Variants in CFAP47 observed in about 807,000 individuals in gnomAD.
CFAP47 encodes cilia and flagella associated protein 47, also known as cilia- and flagella-associated protein 47.
In CFAP47, 29 loss-of-function variants were observed where a neutral mutation model predicts 148.1. The ratio of observed to expected loss-of-function variants is 0.20; its 90% CI spans 0.15 to 0.27. CFAP47 has a LOEUF of 0.27. Among genes scored for constraint, CFAP47 ranks in the 10% least tolerant of loss-of-function variants. The pLI is 1.00. For synonymous variants in CFAP47, 664 were observed against 577.3 expected (o/e 1.15, Z -2.15); for missense variants, 1,872 against 1,697.5 (o/e 1.10, Z -1.81).
intron 59 of CFAP47, among the ~76,000 whole-genome samples, chrX:36,353,233 C>T (rs951244748): frequency 8.2e-5 from 9 of 109,460 alleles, no homozygotes; most frequent in African/African-American, 2.0e-4. Flanking sequence ...CATCAGTTCC[C>T]GAATCAAATT....
chrX:36,271,260 C>G (rs1940955739), intron 49 of CFAP47, among the ~76,000 whole-genome samples: 1 of 111,532 alleles, frequency 9.0e-6, no homozygotes, highest in Admixed American at 9.6e-5. Context: ...GATACTTATA[C>G]CAAAACTTCT....
intron 40 of CFAP47, among the ~76,000 whole-genome samples, chrX:36,182,999 G>A (rs775077620): frequency 2.0e-4 from 22 of 112,249 alleles, no homozygotes; most frequent in South Asian, 7.3e-4. Flanking sequence ...CACAACTATC[G>A]TTGAAACACA....
At chrX:36,065,894 T>C in intron 27 of CFAP47, 151 bp downstream of exon 27, 1 of 399,397 alleles carries the variant, frequency 2.5e-6, no homozygotes, top group Non-Finnish European at 4.4e-6. Context: ...AGAATCTGTA[T>C]GTCTCTTAAT....
rs138216098 is a variant in CFAP47 at position 36,144,778 on chromosome X, A to G, written c.5536-441A>G. The G allele has an allele frequency of 3.1e-4, 315 of 1,024,824 alleles. 1 individual carries two copies. The Middle Eastern group carries it at 7.8e-3, about 25-fold the overall frequency. The allele number at this position is 1,024,824 out of a possible 1,213,427, so 84.5% of individuals were successfully genotyped here. A position where few individuals can be genotyped will look rare whatever the true frequency, so the allele number is the denominator to read the frequency against. ...TCTTTCTCCCTTTGGAGCAGGATGCATTTTTTTCTCCTTCTGCCCTTGGAC... is the reference window on the plus strand; with the variant it reads ...TCTTTCTCCCTTTGGAGCAGGATGCGTTTTTTTCTCCTTCTGCCCTTGGAC... On this transcript the variant is annotated intron_variant, in intron 35 of 63. Coordinates refer to ENST00000378653, the MANE Select transcript of CFAP47 (RefSeq NM_001304548.2).
chrX:36,037,133 G>A (rs1214328346), intron 24 of CFAP47, among the ~76,000 whole-genome samples: 1 of 111,280 alleles, frequency 9.0e-6, no homozygotes, highest in Admixed American at 9.6e-5. Flanking sequence ...TAGCACAAAG[G>A]CTATTCCAGC....
rs997690951 is a variant in CFAP47 at position 36,083,775 on chromosome X, T to C, written c.4692-1539T>C. On this transcript the variant is annotated intron_variant, in intron 29 of 63. Transcript: ENST00000378653. Reference sequence around the variant, plus strand: ...AAAATAAACAAAATCCTTTAACATATTAATATATATGTAAGAGCAAAATGA... The same window carrying C: ...AAAATAAACAAAATCCTTTAACATACTAATATATATGTAAGAGCAAAATGA... 2.7e-5 allele frequency among the ~76,000 whole-genome samples: 3 copies of C among 111,377 alleles called. No individual in the cohort carries two copies. The Admixed American group carries it at 2.9e-4, about 11-fold the overall frequency.
intron 39 of CFAP47, among the ~76,000 whole-genome samples, chrX:36,175,535 C>G (rs1939660829): frequency 9.0e-6 from 1 of 111,722 alleles, no homozygotes; most frequent in Non-Finnish European, 1.9e-5. Context: ...CCCTCAGCTG[C>G]AGGTCTGTTG....
chrX:35,925,291 G>A (rs1036455670), intron 1 of CFAP47, among the ~76,000 whole-genome samples: 9 of 110,591 alleles, frequency 8.1e-5, no homozygotes, highest in Admixed American at 1.9e-4. Context: ...GGAGAATGGC[G>A]TGAACCCCAG....
At chrX:35,944,280 A>G (rs1035771819) in intron 3 of CFAP47, among the ~76,000 whole-genome samples, 4 of 110,056 alleles carry the variant, frequency 3.6e-5, no homozygotes, top group African/African-American at 9.9e-5. Flanking sequence ...CTTGTCTTCA[A>G]TTTTTTTTTG....
intron 56 of CFAP47, among the ~76,000 whole-genome samples, chrX:36,314,682 T>G (rs1941419740): frequency 1.8e-5 from 2 of 111,761 alleles, no homozygotes; most frequent in Admixed American, 9.6e-5. Flanking sequence ...TATCTGCCTA[T>G]CTATCTATCA....
intron 40 of CFAP47, among the ~76,000 whole-genome samples, chrX:36,181,993 C>T (rs967210807): frequency 8.9e-6 from 1 of 112,205 alleles, no homozygotes; most frequent in African/African-American, 3.2e-5. Flanking sequence ...TCTGACAGTT[C>T]TAAAGAGAAG....
At chrX:36,235,183 C>G (rs1399061607) in intron 46 of CFAP47, among the ~76,000 whole-genome samples, 7 of 111,767 alleles carry the variant, frequency 6.3e-5, no homozygotes, top group African/African-American at 2.3e-4. Flanking sequence ...GCAGAGGTTA[C>G]TGCTGTCTTT....
chrX:36,025,767 C>A (rs1937209453), intron 22 of CFAP47, among the ~76,000 whole-genome samples: 1 of 112,231 alleles, frequency 8.9e-6, no homozygotes, highest in South Asian at 3.6e-4. Context: ...TGTTCATATA[C>A]TTCACCTTTA....
In CFAP47 at chrX:35,932,264, C is replaced by CTT. The variant is rs546795196; in HGVS notation, c.401+6108_401+6109dup. On this transcript the variant is annotated intron_variant, in intron 2 of 63. Coordinates refer to ENST00000378653, the MANE Select transcript of CFAP47 (RefSeq NM_001304548.2). ...TTTTCTTTTCTTTCTTTCTTTCTTT[C>CTT]TTTTTTTTTTTTTGAGATGGAGTCT... is the stretch of plus-strand genomic sequence containing the variant. Among the ~76,000 whole-genome samples the CTT allele has an allele frequency of 3.3e-5, 3 of 91,987 alleles. No homozygotes were observed. In the Admixed American group the frequency reaches 3.6e-4, roughly 11 times the overall value. 79.9% of individuals were successfully genotyped at this position (91,987 alleles called of 115,157 possible). A position where few individuals can be genotyped will look rare whatever the true frequency, so the allele number is the denominator to read the frequency against.
At chrX:36,100,374 A>T (rs1358013881) in intron 32 of CFAP47, among the ~76,000 whole-genome samples, 1 of 112,103 alleles carries the variant, frequency 8.9e-6, no homozygotes, top group African/African-American at 3.2e-5. Context: ...CTTGCTATAA[A>T]ACTATATTCA....
intron 54 of CFAP47, among the ~76,000 whole-genome samples, chrX:36,305,892 C>T (rs1941343904): frequency 9.0e-6 from 1 of 111,322 alleles, no homozygotes; most frequent in South Asian, 3.7e-4. Context: ...TGTAGATAAG[C>T]TACAATTGTG....
At chrX:36,254,280 C>A (rs1431932614) in intron 49 of CFAP47, among the ~76,000 whole-genome samples, 2 of 111,167 alleles carry the variant, frequency 1.8e-5, no homozygotes, top group Non-Finnish European at 3.8e-5. Context: ...ATTGAAAACA[C>A]AGAGAAGACA....
chrX:35,935,350 G>T (rs899073468), intron 2 of CFAP47, among the ~76,000 whole-genome samples: 1 of 111,543 alleles, frequency 9.0e-6, no homozygotes, highest in African/African-American at 3.3e-5. Context: ...TGACAGGGCA[G>T]CAGTGAGTTC....
At chrX:35,922,851 G>T (rs1935598963) in intron 1 of CFAP47, among the ~76,000 whole-genome samples, 2 of 111,923 alleles carry the variant, frequency 1.8e-5, no homozygotes, top group Admixed American at 9.5e-5. Context: ...AGGGAGGCTG[G>T]CTTATTATCT....
Sources: allele counts gnomAD v4.1 joint callset (sites outside exome capture counted in the v4.1 genomes callset), GRCh38; gene constraint gnomAD v4.1.1; transcripts MANE v1.5; gene names NCBI Gene and HGNC (gene_info 2026-07-23, HGNC 2026-07-21).